The following ADARB1 variants were observed in gnomAD, a reference collection of about 807,000 sequenced individuals.
The protein encoded by ADARB1 is double-stranded RNA-specific editase 1.
In ADARB1, 10 loss-of-function variants were observed where a neutral mutation model predicts 52.4. The ratio of observed to expected loss-of-function variants is 0.19; its 90% confidence interval spans 0.12 to 0.32. The LOEUF (loss-of-function observed/expected upper bound fraction) is 0.32. Among genes scored for constraint, ADARB1 ranks in the 10% least tolerant of loss-of-function variants. The pLI, the probability that ADARB1 is intolerant of heterozygous loss-of-function variation, is 1.00. For missense variants in ADARB1, 643 were observed against 922.3 expected (o/e 0.70, Z 3.92); for synonymous variants, 349 against 371.1 (o/e 0.94, Z 0.68).
intron 1 of ADARB1, among the ~76,000 whole-genome samples, chr21:45,120,392 T>G (rs1369980300): frequency 6.6e-6 from 1 of 152,242 alleles, no homozygotes; most frequent in African/African-American, 2.4e-5. Flanking sequence ...GATTTCACAC[T>G]TCTCATTGTC....
rs940404329 is a variant in ADARB1 at position 45,204,435 on chromosome 21, G to T, written c.1566-120G>T. ...TGTTAACTTTTTGTTGCACTCCTTC[G>T]TCAGTTGGTTGGGATCCTGCGGAAT... is the stretch of plus-strand genomic sequence containing the variant. On this transcript the variant is annotated intron_variant, in intron 8 of 10. Transcript: ENST00000348831. This position sits in a 1 kb window ranked among gnomAD's most constrained non-coding sequence, Gnocchi z 4.4. 4 of 948,062 alleles carry T rather than the reference G, an allele frequency of 4.2e-6. No homozygotes were observed. Among genetic ancestry groups the T allele is most frequent in the Non-Finnish European group, 6.4e-6 (4 of 627,496 alleles). 58.7% of individuals were successfully genotyped at this position (948,062 alleles called of 1,614,324 possible).
intron 2 of ADARB1, among the ~76,000 whole-genome samples, chr21:45,169,297 G>A (rs1159886939): frequency 1.3e-5 from 2 of 152,220 alleles, no homozygotes; most frequent in Admixed American, 1.3e-4. Flanking sequence ...GCCTGGCACG[G>A]GTGGGGCGTG....
Position 45,172,508 on chromosome 21 carries a change from C to T in ADARB1, c.28+824C>T, listed in dbSNP as rs1330846395. Reference sequence around the variant, plus strand: ...TTAGCACTTTCCCTTTGACTTTACGCACAACCGATGATCTGGGGTCTTGGA... The same window carrying T: ...TTAGCACTTTCCCTTTGACTTTACGTACAACCGATGATCTGGGGTCTTGGA... On this transcript the variant is annotated intron_variant, in intron 3 of 10. Coordinates refer to ENST00000348831, the MANE Select transcript of ADARB1 (RefSeq NM_001112.4). This position sits in a 1 kb window ranked among gnomAD's most constrained non-coding sequence, Gnocchi z 4.4. Among the ~76,000 whole-genome samples, 1 of 152,190 alleles carries T rather than the reference C, an allele frequency of 6.6e-6. No individual in the cohort carries two copies. The highest frequency in any genetic ancestry group is 1.5e-5 in the Non-Finnish European group (1 of 68,040).
intron 8 of ADARB1, among the ~76,000 whole-genome samples, chr21:45,202,127 G>A (rs1556319): frequency 0.15 from 22,164 of 152,014 alleles, 2,205 homozygotes; most frequent in African/African-American, 0.27. Flanking sequence ...CGTGTTCACA[G>A]GGGTCAAGAG....
chr21:45,117,629 A>G (rs1281332379), intron 1 of ADARB1, among the ~76,000 whole-genome samples: 2 of 152,178 alleles, frequency 1.3e-5, no homozygotes, highest in African/African-American at 2.4e-5. Flanking sequence ...CGCAATGCTC[A>G]TGCTACTTCA....
rs554596734 is a variant in ADARB1, at chr21:45,200,403, C to T, written c.1566-4152C>T. ...TTGGCGCGGGAGCCGTGGGAAGGAACGAGAGTCTTGGTTCAGATGACCTCG... is the reference window on the plus strand; with the variant it reads ...TTGGCGCGGGAGCCGTGGGAAGGAATGAGAGTCTTGGTTCAGATGACCTCG... On this transcript the variant is annotated intron_variant, in intron 8 of 10. Transcript: ENST00000348831. This position sits in a 1 kb window ranked among gnomAD's most constrained non-coding sequence, Gnocchi z 5.0. 6.6e-5 allele frequency among the ~76,000 whole-genome samples: 10 copies of T among 152,268 alleles called. No homozygotes were observed. The highest frequency in any genetic ancestry group is 3.9e-4 in the Admixed American group (6 of 15,302).
intron 2 of ADARB1, among the ~76,000 whole-genome samples, chr21:45,160,357 T>A (rs2030810338): frequency 6.6e-6 from 1 of 152,272 alleles, no homozygotes; most frequent in African/African-American, 2.4e-5. Context: ...TTCTGTTTGG[T>A]TGTTTTAACT....
chr21:45,111,532 A>C (rs934905934), intron 1 of ADARB1, among the ~76,000 whole-genome samples: 1 of 152,268 alleles, frequency 6.6e-6, no homozygotes, highest in Non-Finnish European at 1.5e-5. Flanking sequence ...ATGGGTTTGT[A>C]CACATTTATG....
chr21:45,095,442 CT>C (rs373528603), intron 1 of ADARB1, among the ~76,000 whole-genome samples: 14 of 152,368 alleles, frequency 9.2e-5, no homozygotes, highest in African/African-American at 3.4e-4. Context: ...TCTCTGCCCC[CT>C]TTTTCTGTTA....
chr21:45,149,578 T>G (rs2090179588), intron 2 of ADARB1, among the ~76,000 whole-genome samples: 1 of 152,262 alleles, frequency 6.6e-6, no homozygotes, highest in African/African-American at 2.4e-5. Flanking sequence ...GAATTAATGT[T>G]GGCAAAATAT....
At chr21:45,168,043 C>T (rs1467397953) in intron 2 of ADARB1, among the ~76,000 whole-genome samples, 1 of 152,088 alleles carries the variant, frequency 6.6e-6, no homozygotes, top group East Asian at 1.9e-4. Flanking sequence ...TAGCCCTTCT[C>T]GGAGGTGTGC....
chr21:45,104,308 C>A (rs1014182965), intron 1 of ADARB1, among the ~76,000 whole-genome samples: 1 of 152,142 alleles, frequency 6.6e-6, no homozygotes, highest in African/African-American at 2.4e-5. Flanking sequence ...CGGGTGCTGT[C>A]AGCTTGGATT....
intron 2 of ADARB1, among the ~76,000 whole-genome samples, chr21:45,168,744 A>AT (rs906363457): frequency 5.4e-4 from 80 of 147,262 alleles, no homozygotes; most frequent in Admixed American, 1.8e-3. Flanking sequence ...CTCCCACTTT[A>AT]TTTTTTTTTT....
chr21:45,206,552 T>C (rs1478348182), intron 9 of ADARB1, among the ~76,000 whole-genome samples: 1 of 148,918 alleles, frequency 6.7e-6, no homozygotes, highest in Non-Finnish European at 1.5e-5. Flanking sequence ...CTCAATATCT[T>C]CTCTGGTCTT....
At chr21:45,148,962 A>T (rs1159181920) in intron 2 of ADARB1, among the ~76,000 whole-genome samples, 1 of 152,156 alleles carries the variant, frequency 6.6e-6, no homozygotes, top group Admixed American at 6.5e-5. Flanking sequence ...TGCCCACATA[A>T]TCAGTCCACC....
chr21:45,179,218 G>T (rs1436857834), intron 4 of ADARB1, among the ~76,000 whole-genome samples: 1 of 152,162 alleles, frequency 6.6e-6, no homozygotes, highest in Non-Finnish European at 1.5e-5. Flanking sequence ...GCGGGTGCAT[G>T]GATCCCTGCC....
intron 2 of ADARB1, among the ~76,000 whole-genome samples, chr21:45,143,845 G>A (rs1281392948): frequency 1.3e-5 from 2 of 152,144 alleles, no homozygotes; most frequent in Non-Finnish European, 2.9e-5. Context: ...CGCCACTACT[G>A]CCCTCCCACA....
intron 7 of ADARB1, among the ~76,000 whole-genome samples, 176 bp downstream of exon 7, chr21:45,183,686 A>G (rs1601824834): frequency 6.6e-6 from 1 of 152,236 alleles, no homozygotes; most frequent in Non-Finnish European, 1.5e-5. Flanking sequence ...ACTTAATTAG[A>G]AAACTTTAAT....
Position 45,155,246 on chromosome 21 carries a change from C to T in ADARB1, c.-47-16364C>T, listed in dbSNP as rs112364174. On this transcript the variant is annotated intron_variant, in intron 2 of 10. Transcript: ENST00000348831. ...GGGGACCTCTGTGGAGCTGGAGGTC[C>T]AAACGTAGAGAGGCCTGCTCCCCCT... Among the ~76,000 whole-genome samples, 755 of 152,200 alleles carry T rather than the reference C, an allele frequency of 5.0e-3. 8 individuals carry two copies. Among genetic ancestry groups the T allele is most frequent in the African/African-American group, 0.017 (717 of 41,494 alleles).
Sources: allele counts gnomAD v4.1 joint callset (sites outside exome capture counted in the v4.1 genomes callset), GRCh38; gene constraint gnomAD v4.1.1; non-coding constraint Gnocchi (gnomAD v3.1); transcripts MANE v1.5; gene names NCBI Gene and HGNC (gene_info 2026-07-23, HGNC 2026-07-21).